C2CD5: variants seen among roughly 807,000 people sequenced by gnomAD.
C2CD5 encodes C2 domain-containing protein 5.
C2CD5 carries 109 observed loss-of-function variants against 130.3 expected under a neutral mutation model. The observed-to-expected ratio is 0.84, with a 90% CI of 0.72 to 0.98. The LOEUF (loss-of-function observed/expected upper bound fraction) is 0.98. C2CD5 is among the 50% of genes least tolerant of loss of function. The pLI, the probability that C2CD5 is intolerant of heterozygous loss-of-function variation, is 0.00. For synonymous variants in C2CD5, 454 were observed against 429.2 expected, an observed-to-expected ratio of 1.06 and a Z score of -0.71; for missense variants, 996 against 1,261.8, an observed-to-expected ratio of 0.79 and a Z score of 3.19.
chr12:22,527,956 A>G (rs977858450), intron 3 of C2CD5, 64 bp from the exon 4 acceptor site: 2 of 885,396 alleles, frequency 2.3e-6, no homozygotes, highest in African/African-American at 3.5e-5. Flanking sequence ...ACAAATGTAT[A>G]CCTATATCAA....
chr12:22,468,813 A>G (rs1343946818), intron 22 of C2CD5, among the ~76,000 whole-genome samples: 2 of 152,204 alleles, frequency 1.3e-5, no homozygotes, highest in African/African-American at 2.4e-5. Context: ...GATTTAATAA[A>G]GATTCTATTG....
chr12:22,520,474 T>C (rs1950174660), intron 7 of C2CD5, among the ~76,000 whole-genome samples: 1 of 152,170 alleles, frequency 6.6e-6, no homozygotes, highest in Admixed American at 6.5e-5. Context: ...ATAGGAGAAC[T>C]GTTTCTACGT....
intron 7 of C2CD5, among the ~76,000 whole-genome samples, chr12:22,518,800 A>G (rs1950006189): frequency 1.3e-5 from 2 of 152,222 alleles, no homozygotes; most frequent in Admixed American, 1.3e-4. Flanking sequence ...TTATTTTTAA[A>G]CAAATGCAGA....
chr12:22,525,743 GAAAGT>G (rs1165107543), intron 4 of C2CD5, 38 bp from the exon 5 acceptor site: 7 of 929,284 alleles, frequency 7.5e-6, no homozygotes, highest in Non-Finnish European at 1.2e-5. Flanking sequence ...TCTACCTTAA[GAAAGT>G]AATGTACAAT....
Position 22,449,809 on chromosome 12 carries a change from G to A in C2CD5, c.3107C>T (p.Pro1036Leu), listed in dbSNP as rs1349131592. 4 of 1,610,230 alleles carry A rather than the reference G, an allele frequency of 2.5e-6. No homozygotes were observed. Among genetic ancestry groups the A allele is most frequent in the African/African-American group, 1.3e-5 (1 of 74,846 alleles). Residue 1036 changes from proline (P) to leucine (L), a missense_variant, in exon 27 of 27, where the codon CCT (proline) becomes CTT (leucine). By Grantham distance (98) the Pro-to-Leu change is moderately conservative (BLOSUM62 -3). This residue lies in a region of C2CD5 where 48 missense variants were observed against 46.4 expected (regional missense o/e 1.03). Coordinates refer to ENST00000446597, the MANE Select transcript of C2CD5 (RefSeq NM_001286176.2). The part of the protein sequence containing the change: ...SDLEVVSSQQ[P>L]TTNCQSSCTE... Reference sequence around the variant, plus strand: ...ACATGATGACTGGCAGTTGGTAGTAGGTTGCTGAGATGACACCACTTCTAA... The same window carrying A: ...ACATGATGACTGGCAGTTGGTAGTAAGTTGCTGAGATGACACCACTTCTAA...
At chr12:22,527,973 A>G in intron 3 of C2CD5, 81 bp from the exon 4 acceptor site, 1 of 705,404 alleles carries the variant, frequency 1.4e-6, no homozygotes. Flanking sequence ...TCAAATGAAA[A>G]GGATGACACA....
chr12:22,490,112 G>T lies in C2CD5; in HGVS notation c.1358+11C>A, dbSNP rs1214400541. On this transcript the variant is annotated intron_variant, in intron 12 of 26. Transcript: ENST00000446597. ...GCCCTTATAGAAAATAAGCCAGGCTGCCATGACAACCTCTGTTCCAAACAG... is the reference window on the plus strand; with the variant it reads ...GCCCTTATAGAAAATAAGCCAGGCTTCCATGACAACCTCTGTTCCAAACAG... The T allele has an allele frequency of 6.2e-7, 1 of 1,601,562 alleles. No homozygotes were observed. The highest frequency in any genetic ancestry group is 1.3e-5 in the African/African-American group (1 of 74,798).
intron 10 of C2CD5, among the ~76,000 whole-genome samples, chr12:22,503,968 CTG>C (rs1426725316): frequency 6.6e-6 from 1 of 152,110 alleles, no homozygotes; most frequent in Non-Finnish European, 1.5e-5. Flanking sequence ...CCATTAATAA[CTG>C]AGAATTTCTA....
At chr12:22,475,981 T>C (rs1285071808) in intron 15 of C2CD5, among the ~76,000 whole-genome samples, 3 of 152,152 alleles carry the variant, frequency 2.0e-5, no homozygotes, top group Admixed American at 1.3e-4. Flanking sequence ...TTTACAATAG[T>C]TTTAAATTCT....
intron 11 of C2CD5, among the ~76,000 whole-genome samples, chr12:22,491,367 C>T (rs760694174): frequency 1.3e-5 from 2 of 152,066 alleles, no homozygotes; most frequent in Non-Finnish European, 2.9e-5. Flanking sequence ...GAAACCTCTC[C>T]TTATGCCTCT....
At chr12:22,489,559 A>G (rs1276882844) in intron 12 of C2CD5, among the ~76,000 whole-genome samples, 2 of 152,232 alleles carry the variant, frequency 1.3e-5, no homozygotes, top group Middle Eastern at 3.4e-3. Context: ...ATAGGGGAGA[A>G]TGTGCATAGG....
chr12:22,508,900 C>T (rs1248809868), intron 9 of C2CD5, among the ~76,000 whole-genome samples: 1 of 146,996 alleles, frequency 6.8e-6, no homozygotes, highest in African/African-American at 2.5e-5. Flanking sequence ...GACGGAGTCT[C>T]GCTCTGTCGC....
intron 2 of C2CD5, among the ~76,000 whole-genome samples, chr12:22,539,994 A>T (rs1385109453): frequency 1.2e-5 from 1 of 86,192 alleles, no homozygotes; most frequent in Non-Finnish European, 2.6e-5. Context: ...CTCCGTCTCA[A>T]AAAAAAAAAA....
At chr12:22,529,757 T>C (rs1951043368) in intron 3 of C2CD5, among the ~76,000 whole-genome samples, 1 of 152,034 alleles carries the variant, frequency 6.6e-6, no homozygotes, top group African/African-American at 2.4e-5. Context: ...GAGAGCTTGG[T>C]AGGGAGGGGG....
At chr12:22,496,607 A>G (rs1403275171) in intron 10 of C2CD5, among the ~76,000 whole-genome samples, 3 of 151,016 alleles carry the variant, frequency 2.0e-5, no homozygotes, top group African/African-American at 7.3e-5. Context: ...AGAATTATTT[A>G]CAATTATAAA....
intron 12 of C2CD5, among the ~76,000 whole-genome samples, chr12:22,488,594 C>T (rs1945900220): frequency 1.3e-5 from 2 of 152,188 alleles, no homozygotes; most frequent in East Asian, 1.9e-4. Flanking sequence ...ATGAAATCTA[C>T]AGACGTGTAA....
rs1950864580 is a variant in C2CD5, at chr12:22,527,830, G to GT, written c.239dup (p.Tyr80Ter). Reference sequence around the variant, plus strand: ...CTTTACCAATGGCATCATTTGCACTGTAAGTATCATGGTCAAGAACTGTGA... The same window carrying GT: ...CTTTACCAATGGCATCATTTGCACTGTTAAGTATCATGGTCAAGAACTGTGA... ...LQITVLDHDT[Y>*]SANDAIGKVY... Residue 80 changes from tyrosine to a stop codon, truncating the protein, a stop_gained and frameshift_variant, in exon 4 of 27, where the codon TAC becomes TAAC. Transcript: ENST00000446597. LOFTEE classifies it high-confidence loss of function. The GT allele has an allele frequency of 1.2e-6, 2 of 1,610,986 alleles. No homozygotes were observed. Among genetic ancestry groups the GT allele is most frequent in the South Asian group, 1.1e-5 (1 of 90,892 alleles).
In C2CD5 at chr12:22,470,929, A is replaced by G. The variant is rs1246481637; in HGVS notation, c.2359-18T>C. The G allele has an allele frequency of 6.4e-7, 1 of 1,563,600 alleles. No homozygotes were observed. Among genetic ancestry groups the G allele is most frequent in the Admixed American group, 1.7e-5 (1 of 58,238 alleles). On this transcript the variant is annotated intron_variant, in intron 20 of 26. Transcript: ENST00000446597. ...ACTGTAACCTAGAATTATAAAAACA[A>G]TAATGGTTAGCAAAATAATCACTGC...
intron 3 of C2CD5, among the ~76,000 whole-genome samples, chr12:22,528,208 A>T (rs1950898503): frequency 6.6e-6 from 1 of 152,204 alleles, no homozygotes; most frequent in African/African-American, 2.4e-5. Context: ...CATAGCAAAA[A>T]TGCCTAAGGA....
Sources: allele counts gnomAD v4.1 joint callset (sites outside exome capture counted in the v4.1 genomes callset), GRCh38; gene constraint gnomAD v4.1.1; regional missense constraint gnomAD v4.1.1; transcripts MANE v1.5; gene names NCBI Gene and HGNC (gene_info 2026-07-23, HGNC 2026-07-21).